Variants in ESR2 observed in about 807,000 individuals in gnomAD.
ESR2 encodes the protein estrogen receptor 2, also known as estrogen receptor beta.
In ESR2, 36 loss-of-function variants were observed where a neutral mutation model predicts 49.6. The observed-to-expected ratio is 0.73, with a 90% CI of 0.56 to 0.96. The LOEUF is 0.96. Among genes scored for constraint, ESR2 ranks in the 40% least tolerant of loss-of-function variants. The probability of loss-of-function intolerance (pLI) is 0.00; values close to 1 mark genes in which losing one functional copy is unlikely to be tolerated. For synonymous variants in ESR2, 320 were observed against 266.1 expected (o/e 1.20, Z -1.97); for missense variants, 714 against 693.0 (o/e 1.03, Z -0.34).
chr14:64,260,681 G>T lies in ESR2; in HGVS notation c.720C>A (p.His240Gln). ...CACTTCTCTTGGCCTTGCCGGCACA[G>T]TGCAGCTGCTCGTCGGCACTTCTCT... is the stretch of plus-strand genomic sequence containing the variant. Reference protein sequence around the residue: ...RRQRSADEQLHCAGKAKRSGG... With the variant: ...RRQRSADEQLQCAGKAKRSGG... The change falls in exon 5 of 9, where the codon CAC (histidine) becomes CAA (glutamine). Residue 240 changes from histidine (H) to glutamine (Q), a missense_variant. Transcript: ENST00000341099. 6.4e-7 allele frequency: 1 copy of T among 1,558,928 alleles called. No individual in the cohort carries two copies. The highest frequency in any genetic ancestry group is 8.7e-7 in the Non-Finnish European group (1 of 1,148,584).
chr14:64,261,232 C>CTTTCTTTTTTTTTTTTTTTT (rs1555577156), intron 4 of ESR2, among the ~76,000 whole-genome samples: 1 of 88,682 alleles, frequency 1.1e-5, no homozygotes, highest in African/African-American at 4.7e-5. Flanking sequence ...TTTTATTTTT[C>CTTTCTTTTTTTTTTTTTTTT]TTTTTTCTTT....
intron 1 of ESR2, chr14:64,332,239 GT>G (rs1209623231): frequency 2.0e-5 from 3 of 152,188 alleles, no homozygotes; most frequent in African/African-American, 7.2e-5. Context: ...TGGCTACTGA[GT>G]TTAGTCTCTT....
intron 1 of ESR2, among the ~76,000 whole-genome samples, chr14:64,291,610 T>C (rs2076871303): frequency 6.6e-6 from 1 of 152,220 alleles, no homozygotes; most frequent in Non-Finnish European, 1.5e-5. Flanking sequence ...GAATACTGTG[T>C]TAAACAGTGA....
Position 64,235,045 on chromosome 14 carries a change from C to T in ESR2, c.1331G>A (p.Ser444Asn), listed in dbSNP as rs367855747. The change falls in exon 8 of 9, where the codon AGC (serine) becomes AAC (asparagine). Residue 444 changes from serine to asparagine, a missense_variant. Ser to Asn is a conservative substitution (Grantham distance 46). Coordinates refer to ENST00000341099, the MANE Select transcript of ESR2 (RefSeq NM_001437.3). Reference sequence around the variant, plus strand: ...GGATTGCTGCTGGGAGGAGATGCCGCTCTTGGCAATCACCCAAACCAAAGC... The same window carrying T: ...GGATTGCTGCTGGGAGGAGATGCCGTTCTTGGCAATCACCCAAACCAAAGC... ...TDALVWVIAKSGISSQQQSMR... is the reference protein window; with the variant it reads ...TDALVWVIAKNGISSQQQSMR... 3.8e-4 allele frequency: 611 copies of T among 1,614,100 alleles called. No individual in the cohort carries two copies. The highest frequency in any genetic ancestry group is 4.9e-4 in the Non-Finnish European group (580 of 1,180,044).
chr14:64,261,239 C>CTTTTT (rs58982771), intron 4 of ESR2, among the ~76,000 whole-genome samples: 1 of 127,104 alleles, frequency 7.9e-6, no homozygotes, highest in African/African-American at 3.0e-5. Context: ...TTTCTTTTTT[C>CTTTTT]TTTTTTTTTT....
rs79216673 is a variant in ESR2 at position 64,249,562 on chromosome 14, C to A, written c.1209G>T (p.Met403Ile). Residue 403 changes from methionine to isoleucine, a missense_variant, in exon 7 of 9, where the codon ATG (methionine) becomes ATT (isoleucine). By Grantham distance (10) the Met-to-Ile change is conservative (BLOSUM62 1). Coordinates refer to ENST00000341099, the MANE Select transcript of ESR2 (RefSeq NM_001437.3). Reference protein sequence around the residue: ...QHKEYLCVKAMILLNSSMYPL... With the variant: ...QHKEYLCVKAIILLNSSMYPL... Reference sequence around the variant, plus strand: ...ATTACTTACTGGAATTGAGCAGGATCATGGCCTTGACACAGAGATATTCTT... The same window carrying A: ...ATTACTTACTGGAATTGAGCAGGATAATGGCCTTGACACAGAGATATTCTT... 28 of 1,613,974 alleles carry A rather than the reference C, an allele frequency of 1.7e-5. No individual in the cohort carries two copies. Among genetic ancestry groups the A allele is most frequent in the Non-Finnish European group, 2.3e-5 (27 of 1,179,970 alleles).
intron 4 of ESR2, among the ~76,000 whole-genome samples, chr14:64,266,736 A>C (rs2076337150): frequency 6.6e-6 from 1 of 152,246 alleles, no homozygotes; most frequent in Non-Finnish European, 1.5e-5. Flanking sequence ...TTTAAAACAA[A>C]AACAGAGCAA....
intron 1 of ESR2, among the ~76,000 whole-genome samples, chr14:64,293,307 A>G (rs2076902796): frequency 6.6e-6 from 1 of 152,254 alleles, no homozygotes; most frequent in African/African-American, 2.4e-5. Flanking sequence ...TGGAATGCCC[A>G]TGTAAATACT....
At chr14:64,308,265 C>T (rs1312496429) in intron 1 of ESR2, among the ~76,000 whole-genome samples, 2 of 152,090 alleles carry the variant, frequency 1.3e-5, no homozygotes, top group Non-Finnish European at 2.9e-5. Flanking sequence ...TCACCTGCCT[C>T]GGCCTCCCAA....
rs72548751 is a variant in ESR2, at chr14:64,255,104, G to C, written c.1091+2122C>G. On this transcript the variant is annotated intron_variant, in intron 6 of 8. Coordinates refer to ENST00000341099, the MANE Select transcript of ESR2 (RefSeq NM_001437.3). The stretch of plus-strand genomic sequence containing the variant: ...ATTAAAGAACGCATACAGAGAAATG[G>C]GAGAGTGGAGAGTTAATTGTACTAA... Among the ~76,000 whole-genome samples, 537 of 152,032 alleles carry C rather than the reference G, an allele frequency of 3.5e-3. 1 individual carries two copies. Among genetic ancestry groups the C allele is most frequent in the African/African-American group, 0.012 (505 of 41,442 alleles).
intron 7 of ESR2, among the ~76,000 whole-genome samples, chr14:64,236,641 A>C (rs917488823): frequency 8.6e-5 from 13 of 151,936 alleles, no homozygotes; most frequent in African/African-American, 2.9e-4. Flanking sequence ...GGTGCTCCGA[A>C]CATGCTCAAC....
intron 1 of ESR2, chr14:64,303,509 C>CCTCCTG (rs1377527444): frequency 6.6e-6 from 1 of 151,922 alleles, no homozygotes; most frequent in Non-Finnish European, 1.5e-5. Context: ...TGTGCATTCT[C>CCTCCTG]CTCCTGCTCC....
At chr14:64,323,353 A>G (rs2077347316) in intron 1 of ESR2, among the ~76,000 whole-genome samples, 1 of 151,928 alleles carries the variant, frequency 6.6e-6, no homozygotes, top group South Asian at 2.1e-4. Flanking sequence ...GACCACAGGC[A>G]TGTGCTACCG....
At chr14:64,246,734 C>CAAAAAAAAAAAAAAAAAAAAAAA (rs71123836) in intron 7 of ESR2, among the ~76,000 whole-genome samples, 5 of 36,452 alleles carry the variant, frequency 1.4e-4, no homozygotes, top group African/African-American at 6.4e-4. Flanking sequence ...AAGACTCTGT[C>CAAAAAAAAAAAAAAAAAAAAAAA]AAAAAAAAAA....
At chr14:64,274,984 GA>G (rs1323725467) in intron 3 of ESR2, among the ~76,000 whole-genome samples, 1 of 152,062 alleles carries the variant, frequency 6.6e-6, no homozygotes, top group Non-Finnish European at 1.5e-5. Flanking sequence ...CAGTTTTTTT[GA>G]ATGTTTTAAC....
intron 4 of ESR2, among the ~76,000 whole-genome samples, chr14:64,266,394 G>A (rs1193267498): frequency 6.6e-6 from 1 of 152,196 alleles, no homozygotes; most frequent in Non-Finnish European, 1.5e-5. Context: ...CAGTCAGCAG[G>A]AAGTGATGAA....
At chr14:64,288,540 G>T (rs1174632161) in intron 1 of ESR2, among the ~76,000 whole-genome samples, 1 of 151,660 alleles carries the variant, frequency 6.6e-6, no homozygotes, top group Non-Finnish European at 1.5e-5. Flanking sequence ...AGTAGAGACG[G>T]GGTTTCACCA....
At chr14:64,311,348 G>T (rs112600825) in intron 1 of ESR2, among the ~76,000 whole-genome samples, 1,753 of 152,112 alleles carry the variant, frequency 0.012, 38 homozygotes, top group African/African-American at 0.04. Flanking sequence ...CATTTTAAAA[G>T]CCTACAACAC....
chr14:64,289,874 A>G lies in ESR2; in HGVS notation c.-91+4159T>C, dbSNP rs563503728. On this transcript the variant is annotated intron_variant, in intron 1 of 8. Transcript: ENST00000341099. ...GGATAAGAATAGAGGATAAGTCCTC[A>G]TCCCTATTCTTCTTCCACCTGCCCA... Among the ~76,000 whole-genome samples the G allele has an allele frequency of 1.8e-3, 279 of 152,332 alleles. 1 individual carries two copies. The highest frequency in any genetic ancestry group is 2.0e-3 in the Admixed American group (30 of 15,298).
Sources: gnomAD v4.1 joint callset for allele counts (sites outside exome capture counted in the v4.1 genomes callset) on GRCh38, gnomAD v4.1.1 for gene constraint, MANE v1.5 for transcripts, NCBI Gene and HGNC (gene_info 2026-07-23, HGNC 2026-07-21) for gene names.